Variants in SWT1 observed in about 807,000 individuals in gnomAD.
SWT1 encodes the protein transcriptional protein SWT1.
SWT1 carries 33 observed loss-of-function variants against 107.3 expected under a neutral mutation model. That is an observed-to-expected ratio of 0.31 (90% CI 0.23 to 0.41). The LOEUF is 0.41. Among genes scored for constraint, SWT1 ranks in the 10% least tolerant of loss-of-function variants. The pLI is 1.00. For synonymous variants in SWT1, 345 were observed against 348.3 expected (o/e 0.99, Z 0.11); for missense variants, 898 against 1,028.9 (o/e 0.87, Z 1.74).
intron 18 of SWT1, among the ~76,000 whole-genome samples, chr1:185,276,892 A>G (rs1478317035): frequency 1.3e-5 from 2 of 152,112 alleles, no homozygotes; most frequent in Non-Finnish European, 2.9e-5. Context: ...TTTGGCCTCA[A>G]GACTTTGTTA....
intron 9 of SWT1, among the ~76,000 whole-genome samples, chr1:185,187,515 A>G (rs972701731): frequency 6.6e-6 from 1 of 152,056 alleles, no homozygotes; most frequent in African/African-American, 2.4e-5. Context: ...CACTGTTCCA[A>G]GTGTTGGCCC....
intron 16 of SWT1, among the ~76,000 whole-genome samples, chr1:185,270,072 C>T (rs966698825): frequency 6.6e-6 from 1 of 152,124 alleles, no homozygotes; most frequent in Admixed American, 6.6e-5. Flanking sequence ...ATTTCATATG[C>T]TGTTGTAATG....
At chr1:185,187,053 C>CTTT (rs34634110) in intron 9 of SWT1, among the ~76,000 whole-genome samples, 7 of 118,734 alleles carry the variant, frequency 5.9e-5, no homozygotes, top group East Asian at 5.1e-4. Context: ...CCGCGCCCAG[C>CTTT]TTTTTTTTTT....
At chr1:185,268,505 A>G (rs16823875) in intron 16 of SWT1, among the ~76,000 whole-genome samples, 5,963 of 152,188 alleles carry the variant, frequency 0.039, 285 homozygotes, top group African/African-American at 0.096. Context: ...TGAGGCTTTG[A>G]GCTACTCTGG....
chr1:185,170,251 C>T (rs1239070977), intron 4 of SWT1, among the ~76,000 whole-genome samples: 2 of 152,174 alleles, frequency 1.3e-5, no homozygotes, highest in Non-Finnish European at 2.9e-5. Flanking sequence ...GACACTTCTG[C>T]GTTATTGTTC....
At chr1:185,272,776 C>G (rs1237498670) in intron 17 of SWT1, among the ~76,000 whole-genome samples, 1 of 152,104 alleles carries the variant, frequency 6.6e-6, no homozygotes, top group African/African-American at 2.4e-5. Context: ...TGGTTCACGC[C>G]TGTAATCCTA....
At chr1:185,239,306 T>C (rs1558066053) in intron 16 of SWT1, among the ~76,000 whole-genome samples, 1 of 152,132 alleles carries the variant, frequency 6.6e-6, no homozygotes, top group Non-Finnish European at 1.5e-5. Context: ...GAAAATACTT[T>C]CTAACTATGT....
At chr1:185,211,951 C>G (rs985988193) in intron 13 of SWT1, among the ~76,000 whole-genome samples, 1 of 151,602 alleles carries the variant, frequency 6.6e-6, no homozygotes, top group Non-Finnish European at 1.5e-5. Context: ...CAAACTATCG[C>G]AAGGACAAAA....
intron 16 of SWT1, among the ~76,000 whole-genome samples, chr1:185,244,602 A>G (rs1265913851): frequency 2.0e-5 from 3 of 152,264 alleles, no homozygotes; most frequent in East Asian, 3.9e-4. Flanking sequence ...GTGGTGAGTG[A>G]ATGTGAAGGC....
At chr1:185,230,314 A>G (rs1159574883) in intron 15 of SWT1, among the ~76,000 whole-genome samples, 2 of 152,246 alleles carry the variant, frequency 1.3e-5, no homozygotes, top group Admixed American at 1.3e-4. Flanking sequence ...ATTTGCTCAC[A>G]GACCTGGAGG....
chr1:185,279,189 G>C (rs1268990935), intron 18 of SWT1, among the ~76,000 whole-genome samples: 2 of 152,152 alleles, frequency 1.3e-5, no homozygotes, highest in African/African-American at 4.8e-5. Context: ...AAAATATTGT[G>C]TGAGATGTGT....
chr1:185,249,042 T>G (rs1661814434), intron 16 of SWT1, among the ~76,000 whole-genome samples: 1 of 152,200 alleles, frequency 6.6e-6, no homozygotes, highest in Admixed American at 6.5e-5. Flanking sequence ...CACTTGAGAT[T>G]TCTTGTGTAG....
chr1:185,184,279 T>C lies in SWT1; in HGVS notation c.1175T>C (p.Ile392Thr), dbSNP rs1407123701. The C allele has an allele frequency of 1.3e-6, 2 of 1,573,290 alleles. No individual in the cohort carries two copies. Among genetic ancestry groups the C allele is most frequent in the Non-Finnish European group, 1.7e-6 (2 of 1,156,090 alleles). Residue 392 changes from isoleucine (I) to threonine (T), a missense_variant, in exon 8 of 19, where the codon ATT becomes ACT. By Grantham distance (89) the Ile-to-Thr change is moderately conservative. Transcript: ENST00000367500. ...NTSDRKLLIV[I>T]DTNILMNHLK... ...TCAGACAGAAAGCTTCTAATTGTTA[T>C]TGACACAAATATTCTGATGAATCAT...
At chr1:185,274,838 G>C (rs543650231) in intron 17 of SWT1, among the ~76,000 whole-genome samples, 2 of 152,132 alleles carry the variant, frequency 1.3e-5, no homozygotes, top group Non-Finnish European at 2.9e-5. Flanking sequence ...CTCAATATGG[G>C]TAAGTGAAAA....
chr1:185,287,204 C>T (rs924187350), intron 18 of SWT1, among the ~76,000 whole-genome samples: 3 of 151,914 alleles, frequency 2.0e-5, no homozygotes, highest in Non-Finnish European at 2.9e-5. Context: ...ATTGGTTATG[C>T]GAAAGGAATC....
chr1:185,206,373 A>G (rs1658337278), intron 12 of SWT1, among the ~76,000 whole-genome samples: 2 of 152,160 alleles, frequency 1.3e-5, no homozygotes, highest in Non-Finnish European at 2.9e-5. Context: ...GTTTCCTCTG[A>G]TTAGATGTAT....
chr1:185,191,407 T>A lies in SWT1; in HGVS notation c.1523+765T>A, dbSNP rs890111592. On this transcript the variant is annotated intron_variant, in intron 10 of 18. Transcript: ENST00000367500. ...GCAGTTTTTTTTTAATCAGTCTACA[T>A]CATGCTTTGAAACTTGCAGTTTTAA... Among the ~76,000 whole-genome samples the A allele has an allele frequency of 3.3e-5, 5 of 152,242 alleles. No homozygotes were observed. The East Asian group carries it at 9.6e-4, about 29-fold the overall frequency.
intron 7 of SWT1, 87 bp downstream of exon 7, chr1:185,182,144 A>G: frequency 1.5e-6 from 2 of 1,339,250 alleles, no homozygotes; most frequent in Non-Finnish European, 2.0e-6. Context: ...TATTTAGATG[A>G]AAAATGTTAA....
In SWT1 at chr1:185,290,919, G is replaced by T. The variant is rs1571727636; in HGVS notation, c.*116G>T. 2 of 798,684 alleles carry T rather than the reference G, an allele frequency of 2.5e-6. No homozygotes were observed. The highest frequency in any genetic ancestry group is 6.1e-5 in the East Asian group (2 of 32,850). 49.5% of individuals were successfully genotyped at this position (798,684 alleles called of 1,614,324 possible). On this transcript the variant is annotated 3_prime_UTR_variant, in exon 19 of 19. Transcript: ENST00000367500. ...GAGAATTTTAAGAAATGTTTCATAG[G>T]TATAAAAAGGTGATCGCCTATTACT...
Sources: allele counts gnomAD v4.1 joint callset (sites outside exome capture counted in the v4.1 genomes callset), GRCh38; gene constraint gnomAD v4.1.1; transcripts MANE v1.5; gene names NCBI Gene and HGNC (gene_info 2026-07-23, HGNC 2026-07-21).